The following PRMT3 variants were observed in gnomAD, a reference collection of about 807,000 sequenced individuals.
PRMT3 encodes protein arginine N-methyltransferase 3.
In PRMT3, 62 loss-of-function variants were observed where a neutral mutation model predicts 71.9. That is an observed-to-expected ratio of 0.86 (90% CI 0.70 to 1.07). PRMT3 has a LOEUF of 1.07. Ranked by LOEUF, PRMT3 falls within the 50% of genes least tolerant of loss-of-function variation. The pLI, the probability that PRMT3 is intolerant of heterozygous loss-of-function variation, is 0.00. For synonymous variants in PRMT3, 213 were observed against 220.4 expected, an observed-to-expected ratio of 0.97 and a Z score of 0.30; for missense variants, 663 against 643.0, an observed-to-expected ratio of 1.03 and a Z score of -0.34.
intron 13 of PRMT3, among the ~76,000 whole-genome samples, chr11:20,479,320 G>T (rs1021425872): frequency 6.6e-6 from 1 of 152,122 alleles, no homozygotes; most frequent in Non-Finnish European, 1.5e-5. Flanking sequence ...GAGGTATTGG[G>T]AATGTAGTAA....
chr11:20,398,696 T>C (rs1203851772), intron 7 of PRMT3, among the ~76,000 whole-genome samples: 2 of 152,226 alleles, frequency 1.3e-5, no homozygotes, highest in African/African-American at 2.4e-5. Context: ...TCTTTAGATA[T>C]GCTTAGATAC....
chr11:20,420,756 A>C (rs567430987), intron 9 of PRMT3, among the ~76,000 whole-genome samples: 7 of 152,290 alleles, frequency 4.6e-5, no homozygotes, highest in Non-Finnish European at 8.8e-5. Context: ...CAAAACCTAC[A>C]ACCAGTATTG....
At chr11:20,439,078 G>A (rs139134872) in intron 10 of PRMT3, among the ~76,000 whole-genome samples, 2 of 152,316 alleles carry the variant, frequency 1.3e-5, no homozygotes, top group African/African-American at 4.8e-5. Flanking sequence ...CCTGAAGCAA[G>A]GTACACTTCA....
intron 2 of PRMT3, among the ~76,000 whole-genome samples, chr11:20,388,973 A>G (rs190006078): frequency 6.6e-6 from 1 of 152,192 alleles, no homozygotes. Flanking sequence ...TCTCATCTGT[A>G]GCCCCATTGG....
chr11:20,460,478 TCTTA>T (rs1850358328), intron 11 of PRMT3, among the ~76,000 whole-genome samples: 1 of 152,192 alleles, frequency 6.6e-6, no homozygotes, highest in Non-Finnish European at 1.5e-5. Flanking sequence ...TTCTTGGTTC[TCTTA>T]CTTTTGTGGC....
At chr11:20,431,663 C>G (rs1351560652) in intron 10 of PRMT3, among the ~76,000 whole-genome samples, 1 of 152,072 alleles carries the variant, frequency 6.6e-6, no homozygotes, top group East Asian at 1.9e-4. Flanking sequence ...CTAGCATTTA[C>G]TAATTGACTG....
At chr11:20,489,781 C>G (rs1356655308) in intron 13 of PRMT3, among the ~76,000 whole-genome samples, 1 of 135,270 alleles carries the variant, frequency 7.4e-6, no homozygotes, top group Non-Finnish European at 1.6e-5. Context: ...TTTTTTTTTT[C>G]TTAATCTCTT....
intron 9 of PRMT3, among the ~76,000 whole-genome samples, chr11:20,423,466 A>G (rs1224092303): frequency 6.6e-6 from 1 of 152,118 alleles, no homozygotes; most frequent in Non-Finnish European, 1.5e-5. Context: ...CATATTGTCT[A>G]TTGCCTCTTT....
At chr11:20,426,299 A>G (rs1413629473) in intron 9 of PRMT3, among the ~76,000 whole-genome samples, 1 of 152,210 alleles carries the variant, frequency 6.6e-6, no homozygotes, top group African/African-American at 2.4e-5. Context: ...GCACAGGCTC[A>G]ACGAAATTAC....
chr11:20,401,500 A>G (rs1043255796), intron 7 of PRMT3, among the ~76,000 whole-genome samples: 2 of 152,172 alleles, frequency 1.3e-5, no homozygotes, highest in Non-Finnish European at 2.9e-5. Context: ...TAGGTCTAGT[A>G]CTTAAGTAAA....
chr11:20,439,450 G>C (rs1471498195), intron 10 of PRMT3, among the ~76,000 whole-genome samples: 1 of 152,140 alleles, frequency 6.6e-6, no homozygotes, highest in East Asian at 1.9e-4. Flanking sequence ...TGTCTCCAGA[G>C]CTCTCCCTGG....
intron 13 of PRMT3, among the ~76,000 whole-genome samples, chr11:20,489,075 A>G (rs1851146765): frequency 6.6e-6 from 1 of 152,202 alleles, no homozygotes. Flanking sequence ...AGAGTGATCA[A>G]GCTATCCCAG....
At chr11:20,419,307 G>A (rs770335059) in intron 9 of PRMT3, among the ~76,000 whole-genome samples, 2 of 152,106 alleles carry the variant, frequency 1.3e-5, no homozygotes, top group African/African-American at 4.8e-5. Flanking sequence ...TCCTTTTTCT[G>A]TGAAATATCT....
intron 5 of PRMT3, chr11:20,393,804 A>T (rs1330549731): frequency 6.6e-6 from 1 of 152,252 alleles, no homozygotes; most frequent in Non-Finnish European, 1.5e-5. Context: ...AAAGCAAAAC[A>T]GAAACTGGCC....
chr11:20,457,334 G>A (rs1850288229), intron 11 of PRMT3, among the ~76,000 whole-genome samples: 1 of 152,058 alleles, frequency 6.6e-6, no homozygotes, highest in Admixed American at 6.6e-5. Context: ...CATTTGAAAA[G>A]CATTAAAATG....
chr11:20,403,830 G>A (rs926073630), intron 8 of PRMT3, among the ~76,000 whole-genome samples: 1 of 151,994 alleles, frequency 6.6e-6, no homozygotes, highest in African/African-American at 2.4e-5. Context: ...TTATAATTCG[G>A]CTTTCATCTC....
Position 20,397,670 on chromosome 11 carries a change from T to A in PRMT3, c.654T>A (p.Gly218=). 1 of 1,614,180 alleles carries A rather than the reference T, an allele frequency of 6.2e-7. No homozygotes were observed. Among genetic ancestry groups the A allele is most frequent in the Non-Finnish European group, 8.5e-7 (1 of 1,180,024 alleles). ...CGGACCTCCAGGAGGATGAGGATGG[T>A]GTTTATTTCAGCTCATACGGGCATT... ...VIADLQEDED[G]VYFSSYGHYG... The change falls in exon 7 of 16, where the codon GGT becomes GGA. Residue 218 remains glycine, a synonymous_variant. Transcript: ENST00000331079.
intron 15 of PRMT3, among the ~76,000 whole-genome samples, chr11:20,498,171 A>G (rs892556145): frequency 6.6e-6 from 1 of 152,210 alleles, no homozygotes; most frequent in African/African-American, 2.4e-5. Context: ...GAACATATCC[A>G]CAGTAGCTTA....
At chr11:20,425,518 T>TA (rs1849527414) in intron 9 of PRMT3, among the ~76,000 whole-genome samples, 1 of 152,176 alleles carries the variant, frequency 6.6e-6, no homozygotes, top group Non-Finnish European at 1.5e-5. Context: ...GGTGAATGTA[T>TA]AAACAAAATT....
Sources: allele counts gnomAD v4.1 joint callset (sites outside exome capture counted in the v4.1 genomes callset), GRCh38; gene constraint gnomAD v4.1.1; transcripts MANE v1.5; gene names NCBI Gene and HGNC (gene_info 2026-07-23, HGNC 2026-07-21).